Variants in SPEF2 observed in about 807,000 individuals in gnomAD.
SPEF2 encodes the protein sperm flagellar and cilia associated 2, also known as sperm flagella and cilia-associated protein 2.
Under a neutral mutation model 224.6 loss-of-function variants are expected in SPEF2, and 187 were observed. The observed-to-expected ratio is 0.83, with a 90% CI of 0.74 to 0.94. The LOEUF (loss-of-function observed/expected upper bound fraction) is 0.94, where lower values mean the gene tolerates loss of function less well. SPEF2 is among the 40% of genes least tolerant of loss of function. SPEF2 has a pLI of 0.00. For missense variants in SPEF2, 2,170 were observed against 2,135.6 expected (o/e 1.02, Z -0.32); for synonymous variants, 715 against 707.3 (o/e 1.01, Z -0.17).
At chr5:35,690,652 T>G (rs1347676781) in intron 10 of SPEF2, among the ~76,000 whole-genome samples, 2 of 152,028 alleles carry the variant, frequency 1.3e-5, no homozygotes, top group Admixed American at 1.3e-4. Flanking sequence ...AAAATTCTCT[T>G]TTATTACTTT....
intron 2 of SPEF2, among the ~76,000 whole-genome samples, chr5:35,628,768 T>A (rs1448995952): frequency 6.6e-6 from 1 of 152,054 alleles, no homozygotes; most frequent in African/African-American, 2.4e-5. Context: ...ATTTTTGTAT[T>A]TTTGGTGTAG....
At chr5:35,809,054 CT>C (rs1758382240) in intron 36 of SPEF2, among the ~76,000 whole-genome samples, 1 of 151,956 alleles carries the variant, frequency 6.6e-6, no homozygotes, top group South Asian at 2.1e-4. Flanking sequence ...CTAATCCTGG[CT>C]TTCTCGTCTG....
At chr5:35,726,394 CATT>C (rs1744660643) in intron 20 of SPEF2, among the ~76,000 whole-genome samples, 1 of 152,066 alleles carries the variant, frequency 6.6e-6, no homozygotes, top group Non-Finnish European at 1.5e-5. Flanking sequence ...AAAGGAAAAT[CATT>C]ATTTAGAAAA....
intron 20 of SPEF2, among the ~76,000 whole-genome samples, chr5:35,724,021 C>T (rs567775764): frequency 2.0e-5 from 3 of 152,060 alleles, no homozygotes; most frequent in Non-Finnish European, 4.4e-5. Context: ...TTATAAAGTA[C>T]CTTTTATGTA....
chr5:35,693,381 T>C (rs928852321), intron 12 of SPEF2, among the ~76,000 whole-genome samples: 2 of 152,172 alleles, frequency 1.3e-5, no homozygotes, highest in Non-Finnish European at 2.9e-5. Context: ...CAGGCCTTTG[T>C]GGTCTATGAG....
chr5:35,670,647 T>C (rs1447852866), intron 10 of SPEF2: 2 of 986,000 alleles, frequency 2.0e-6, no homozygotes, highest in Non-Finnish European at 2.4e-6. Flanking sequence ...GAAGTCTGGG[T>C]TTTATGAATA....
chr5:35,766,711 G>A lies in SPEF2; in HGVS notation c.3801+3009G>A, dbSNP rs142718771. The stretch of plus-strand genomic sequence containing the variant: ...TTTACTTTGCCATTCTTTCCCTAGG[G>A]ATTTGAGATAGATCATAGTTTATTA... On this transcript the variant is annotated intron_variant, in intron 26 of 36. Coordinates refer to ENST00000356031, the MANE Select transcript of SPEF2 (RefSeq NM_024867.4). Among the ~76,000 whole-genome samples, 543 of 151,560 alleles carry A rather than the reference G, an allele frequency of 3.6e-3. 6 individuals are homozygous for A. The highest frequency in any genetic ancestry group is 0.012 in the African/African-American group (513 of 41,406).
chr5:35,787,867 C>T, intron 30 of SPEF2: 1 of 560,658 alleles, frequency 1.8e-6, no homozygotes. Flanking sequence ...ATTTTAAAGG[C>T]AGGAATCCTT....
intron 2 of SPEF2, chr5:35,633,022 C>G (rs371937720): frequency 1.3e-5 from 2 of 152,156 alleles, no homozygotes; most frequent in South Asian, 4.1e-4. Context: ...AGCTGCAACA[C>G]TTATTGAAGC....
intron 8 of SPEF2, among the ~76,000 whole-genome samples, chr5:35,664,837 G>GGA (rs902131916): frequency 3.2e-3 from 4 of 1,248 alleles, no homozygotes; most frequent in African/African-American, 0.011. Context: ...GAAGGAAGGA[G>GGA]GAGAGAGAGA....
rs571100333 is a variant in SPEF2 at position 35,665,459 on chromosome 5, G to A, written c.1168-1613G>A. ...GAACAGAGGGAGGGAGGGAGGGAGCGAGGAAGGGAGGAAGAGAGAGAGGGA... is the reference window on the plus strand; with the variant it reads ...GAACAGAGGGAGGGAGGGAGGGAGCAAGGAAGGGAGGAAGAGAGAGAGGGA... On this transcript the variant is annotated intron_variant, in intron 8 of 36. Transcript: ENST00000356031. 7.2e-5 allele frequency among the ~76,000 whole-genome samples: 11 copies of A among 152,118 alleles called. No individual in the cohort carries two copies. In the East Asian group the frequency reaches 1.7e-3, roughly 24 times the overall value.
chr5:35,767,412 C>T (rs1372150526), intron 26 of SPEF2, among the ~76,000 whole-genome samples: 1 of 151,724 alleles, frequency 6.6e-6, no homozygotes, highest in Non-Finnish European at 1.5e-5. Context: ...TAAGTTTGGT[C>T]ATCATGTATT....
rs369583543 is a variant in SPEF2 at position 35,668,147 on chromosome 5, T to TA, written c.1355+889dup. Among the ~76,000 whole-genome samples, 910 of 152,198 alleles carry TA rather than the reference T, an allele frequency of 6.0e-3. 8 individuals carry two copies. The highest frequency in any genetic ancestry group is 0.021 in the African/African-American group (860 of 41,544). Reference sequence around the variant, plus strand: ...TGCAACTCCCACACAACCTAGCAATTACACTTCTGGGCATTTATCCTAGAG... The same window carrying TA: ...TGCAACTCCCACACAACCTAGCAATTAACACTTCTGGGCATTTATCCTAGAG... On this transcript the variant is annotated intron_variant, in intron 9 of 36. Transcript: ENST00000356031.
At chr5:35,663,302 G>C (rs55696459) in intron 8 of SPEF2, among the ~76,000 whole-genome samples, 5,308 of 152,184 alleles carry the variant, frequency 0.035, 323 homozygotes, top group African/African-American at 0.12. Context: ...TTATGCCTCT[G>C]TCCTCCAAGA....
At chr5:35,681,297 A>C (rs906301006) in intron 10 of SPEF2, among the ~76,000 whole-genome samples, 1 of 152,214 alleles carries the variant, frequency 6.6e-6, no homozygotes, top group Non-Finnish European at 1.5e-5. Flanking sequence ...AATACAAATA[A>C]GATCTAGCAT....
At chr5:35,796,079 G>A (rs1489112247) in intron 33 of SPEF2, among the ~76,000 whole-genome samples, 1 of 152,186 alleles carries the variant, frequency 6.6e-6, no homozygotes, top group Non-Finnish European at 1.5e-5. Flanking sequence ...TGTCAAATAA[G>A]CTAAGTTTTA....
At chr5:35,804,130 C>T (rs1757781023) in intron 34 of SPEF2, among the ~76,000 whole-genome samples, 1 of 152,230 alleles carries the variant, frequency 6.6e-6, no homozygotes, top group Non-Finnish European at 1.5e-5. Context: ...CATTTCTATG[C>T]TCTTCTGCTC....
chr5:35,697,895 A>G (rs1755561976), intron 15 of SPEF2, 102 bp downstream of exon 15: 1 of 760,734 alleles, frequency 1.3e-6, no homozygotes, highest in Non-Finnish European at 2.1e-6. Flanking sequence ...TATCTCATAC[A>G]TTTCACTCAT....
At chr5:35,749,803 A>C (rs1451423705) in intron 23 of SPEF2, among the ~76,000 whole-genome samples, 1 of 152,138 alleles carries the variant, frequency 6.6e-6, no homozygotes, top group African/African-American at 2.4e-5. Flanking sequence ...AATTCAATGC[A>C]ATCCCCATCA....
Sources: gnomAD v4.1 joint callset for allele counts (sites outside exome capture counted in the v4.1 genomes callset) on GRCh38, gnomAD v4.1.1 for gene constraint, MANE v1.5 for transcripts, NCBI Gene and HGNC (gene_info 2026-07-23, HGNC 2026-07-21) for gene names.